NELL1: variants seen among roughly 807,000 people sequenced by gnomAD.
NELL1 encodes protein kinase C-binding protein NELL1.
In NELL1, 76 loss-of-function variants were observed where a neutral mutation model predicts 107.4. The ratio of observed to expected loss-of-function variants is 0.71; its 90% CI spans 0.59 to 0.86. NELL1 has a LOEUF of 0.86. NELL1 is among the 40% of genes least tolerant of loss of function. The pLI, the probability that NELL1 is intolerant of heterozygous loss-of-function variation, is 0.00. For synonymous variants in NELL1, 353 were observed against 341.2 expected (o/e 1.03, Z -0.38); for missense variants, 1,024 against 1,005.5 (o/e 1.02, Z -0.25).
At chr11:21,236,409 C>A (rs10160613) in intron 14 of NELL1, among the ~76,000 whole-genome samples, 3,236 of 152,166 alleles carry the variant, frequency 0.021, 39 homozygotes, top group Non-Finnish European at 0.034. Flanking sequence ...TTAATTACTG[C>A]AGAATCTACA....
chr11:21,466,248 C>T (rs752955129), intron 15 of NELL1, among the ~76,000 whole-genome samples: 8 of 152,106 alleles, frequency 5.3e-5, no homozygotes, highest in Non-Finnish European at 7.4e-5. Context: ...TTCAGCATTG[C>T]GGAGGACTAG....
chr11:20,810,469 T>G (rs1857476846), intron 3 of NELL1, among the ~76,000 whole-genome samples: 1 of 152,204 alleles, frequency 6.6e-6, no homozygotes, highest in South Asian at 2.1e-4. Flanking sequence ...GAACGTATGA[T>G]GTTTGGTTTT....
rs538299236 is a variant in NELL1 at position 20,805,985 on chromosome 11, C to A, written c.335+22155C>A. ...TTATAGTTATTAGTTTTGCTTGGTTCATGTTTTTGTTTTTCTACTTAAATT... is the reference window on the plus strand; with the variant it reads ...TTATAGTTATTAGTTTTGCTTGGTTAATGTTTTTGTTTTTCTACTTAAATT... On this transcript the variant is annotated intron_variant, in intron 3 of 19. Coordinates refer to ENST00000357134, the MANE Select transcript of NELL1 (RefSeq NM_006157.5). Among the ~76,000 whole-genome samples, 21 of 152,204 alleles carry A rather than the reference C, an allele frequency of 1.4e-4. 2 individuals are homozygous for A. In the South Asian group the frequency reaches 4.3e-3, roughly 31 times the overall value.
intron 15 of NELL1, among the ~76,000 whole-genome samples, chr11:21,489,404 A>AAAAAAAAAAAAAAAAAC (rs1554922049): frequency 3.6e-5 from 5 of 137,200 alleles, no homozygotes; most frequent in East Asian, 2.5e-4. Flanking sequence ...AAAAAAAAAA[A>AAAAAAAAAAAAAAAAAC]AAAACAGAAG....
chr11:21,214,018 A>G (rs1031946042), intron 13 of NELL1, among the ~76,000 whole-genome samples: 6 of 152,196 alleles, frequency 3.9e-5, no homozygotes. Context: ...AAAGACTGTG[A>G]TAGAATGAAA....
At chr11:21,482,750 TAAA>T (rs545059568) in intron 15 of NELL1, among the ~76,000 whole-genome samples, 2 of 137,732 alleles carry the variant, frequency 1.5e-5, no homozygotes, top group African/African-American at 5.3e-5. Context: ...CTGGAGAGCT[TAAA>T]AAAAAAAAAA....
At chr11:21,083,219 GA>G (rs1010622965) in intron 12 of NELL1, among the ~76,000 whole-genome samples, 3 of 152,300 alleles carry the variant, frequency 2.0e-5, no homozygotes, top group Admixed American at 6.5e-5. Context: ...GCCATTGGAG[GA>G]AAATGATCAG....
At chr11:21,367,211 G>T (rs1222296367) in intron 14 of NELL1, among the ~76,000 whole-genome samples, 54 of 151,366 alleles carry the variant, frequency 3.6e-4, no homozygotes, top group Admixed American at 3.5e-3. Context: ...CTCCAGTGCA[G>T]CAAGTTAATA....
intron 15 of NELL1, among the ~76,000 whole-genome samples, chr11:21,516,306 C>T (rs370472220): frequency 2.0e-5 from 3 of 152,168 alleles, no homozygotes; most frequent in East Asian, 1.9e-4. Flanking sequence ...TATTCATCCT[C>T]TTCCTTATTT....
intron 14 of NELL1, among the ~76,000 whole-genome samples, 191 bp from the exon 15 acceptor site, chr11:21,370,662 G>A (rs1228077040): frequency 6.6e-6 from 1 of 152,004 alleles, no homozygotes; most frequent in Non-Finnish European, 1.5e-5. Context: ...TATTTCAGTT[G>A]ATTTCATATA....
intron 15 of NELL1, among the ~76,000 whole-genome samples, chr11:21,527,449 A>T (rs1457322273): frequency 6.6e-6 from 1 of 152,096 alleles, no homozygotes; most frequent in Non-Finnish European, 1.5e-5. Context: ...CAGTTCCAAA[A>T]TCATTTCCAC....
intron 2 of NELL1, among the ~76,000 whole-genome samples, chr11:20,695,585 A>T (rs1053493488): frequency 2.0e-5 from 3 of 152,044 alleles, no homozygotes; most frequent in African/African-American, 7.2e-5. Flanking sequence ...TTATGTGGTG[A>T]ATGACATTTA....
intron 15 of NELL1, among the ~76,000 whole-genome samples, chr11:21,451,550 C>A (rs1166942426): frequency 6.6e-6 from 1 of 152,082 alleles, no homozygotes; most frequent in Non-Finnish European, 1.5e-5. Flanking sequence ...TAATTAATTT[C>A]ATAATTTCAT....
chr11:21,034,652 G>A (rs1041161273), intron 12 of NELL1, among the ~76,000 whole-genome samples: 37 of 152,046 alleles, frequency 2.4e-4, no homozygotes, highest in African/African-American at 8.7e-4. Context: ...ATAGCTTTTG[G>A]GTAAATAATG....
At chr11:21,380,572 C>CA (rs1851584843) in intron 15 of NELL1, among the ~76,000 whole-genome samples, 1 of 152,012 alleles carries the variant, frequency 6.6e-6, no homozygotes, top group South Asian at 2.1e-4. Flanking sequence ...TCTTGAATGA[C>CA]ATCTCTGCTA....
intron 13 of NELL1, among the ~76,000 whole-genome samples, chr11:21,157,161 A>ATATATATGTG (rs372420048): frequency 2.0e-5 from 3 of 149,626 alleles, no homozygotes; most frequent in East Asian, 2.0e-4. Flanking sequence ...ATATATATAT[A>ATATATATGTG]TGTGTGTGTG....
chr11:20,844,105 C>T (rs1283674731), intron 3 of NELL1, among the ~76,000 whole-genome samples: 1 of 152,180 alleles, frequency 6.6e-6, no homozygotes, highest in Non-Finnish European at 1.5e-5. Flanking sequence ...GTGATAGTGT[C>T]ACTGTACTTT....
rs77398719 is a variant in NELL1 at position 21,575,536 on chromosome 11, G to A, written c.*514G>A. 6,282 of 153,400 alleles carry A rather than the reference G, an allele frequency of 0.041. 418 individuals are homozygous for A. Among genetic ancestry groups the A allele is most frequent in the African/African-American group, 0.14 (5,855 of 41,406 alleles). The allele number at this position is 153,400 out of a possible 1,614,324, so 9.5% of individuals were successfully genotyped here. Reference sequence around the variant, plus strand: ...GAAAATATGTATGTAGAGTCCAGTCGCATTATACATACATTTCATAGTGCT... The same window carrying A: ...GAAAATATGTATGTAGAGTCCAGTCACATTATACATACATTTCATAGTGCT... On this transcript the variant is annotated 3_prime_UTR_variant, in exon 20 of 20. Transcript: ENST00000357134.
chr11:21,272,995 C>A (rs967606687), intron 14 of NELL1, among the ~76,000 whole-genome samples: 3 of 152,162 alleles, frequency 2.0e-5, no homozygotes, highest in African/African-American at 7.2e-5. Context: ...AAGTAGAGCA[C>A]CTCTTCTCCT....
Sources: gnomAD v4.1 joint callset for allele counts (sites outside exome capture counted in the v4.1 genomes callset) on GRCh38, gnomAD v4.1.1 for gene constraint, MANE v1.5 for transcripts, NCBI Gene and HGNC (gene_info 2026-07-23, HGNC 2026-07-21) for gene names.